Variants in TNRC6C observed in about 807,000 individuals in gnomAD.
TNRC6C encodes trinucleotide repeat containing adaptor 6C.
In TNRC6C, 20 loss-of-function variants were observed where a neutral mutation model predicts 153.7. That is an observed-to-expected ratio of 0.13 (90% CI 0.09 to 0.19). TNRC6C has a LOEUF of 0.19. Among genes scored for constraint, TNRC6C ranks in the 10% least tolerant of loss-of-function variants. The pLI is 1.00. For missense variants in TNRC6C, 1,987 were observed against 2,172.0 expected, an observed-to-expected ratio of 0.91 and a Z score of 1.69; for synonymous variants, 811 against 841.4, an observed-to-expected ratio of 0.96 and a Z score of 0.63.
chr17:78,038,365 C>T (rs2072221964), intron 2 of TNRC6C, among the ~76,000 whole-genome samples: 2 of 152,054 alleles, frequency 1.3e-5, no homozygotes, highest in South Asian at 4.1e-4. Flanking sequence ...CAAATGGGTC[C>T]TAAGTATGTT....
In TNRC6C at chr17:78,075,370, T is replaced by G; in HGVS notation, c.3060+92T>G. On this transcript the variant is annotated intron_variant, in intron 8 of 19. Transcript: ENST00000301624. The surrounding 1 kb of genome is among the most constrained non-coding windows in gnomAD (Gnocchi z 4.2). The stretch of plus-strand genomic sequence containing the variant: ...CCTTAATACAAGCCAGATTAAAAAC[T>G]TGCTGGACTATAATACTTAAGTGAC... 2 of 1,430,846 alleles carry G rather than the reference T, an allele frequency of 1.4e-6. No homozygotes were observed. Among genetic ancestry groups the G allele is most frequent in the Non-Finnish European group, 1.9e-6 (2 of 1,067,390 alleles). The allele number at this position is 1,430,846 out of a possible 1,614,324, so 88.6% of individuals were successfully genotyped here.
chr17:78,009,039 C>T (rs1163051186), intron 1 of TNRC6C, among the ~76,000 whole-genome samples: 1 of 152,126 alleles, frequency 6.6e-6, no homozygotes, highest in Non-Finnish European at 1.5e-5. Flanking sequence ...ATCGTCTTTG[C>T]GTTGGTGACC....
chr17:78,037,846 G>A (rs374830447), intron 2 of TNRC6C, among the ~76,000 whole-genome samples: 187 of 152,270 alleles, frequency 1.2e-3, no homozygotes, highest in African/African-American at 4.0e-3. Flanking sequence ...GCGAATGTAC[G>A]TGAATAGAAG....
At chr17:78,018,615 T>C (rs1353860083) in intron 1 of TNRC6C, among the ~76,000 whole-genome samples, 2 of 152,146 alleles carry the variant, frequency 1.3e-5, no homozygotes, top group African/African-American at 4.8e-5. Flanking sequence ...CGTGCTTTCC[T>C]TTTTTTGCAG....
At chr17:78,095,628 C>T (rs1397027039) in intron 16 of TNRC6C, among the ~76,000 whole-genome samples, 2 of 152,192 alleles carry the variant, frequency 1.3e-5, no homozygotes, top group Non-Finnish European at 2.9e-5. Context: ...GTGACCAGCA[C>T]GAGGAACCTT....
In TNRC6C at chr17:77,963,600, T is replaced by C. The variant is rs189027983; in HGVS notation, c.-38+4332T>C. On this transcript the variant is annotated intron_variant, in intron 1 of 22. Transcript: ENST00000636222. ...CTCCTCTGTAGCCTTCAAAAGACTA[T>C]AGAGCTGTGTGCAGAGCTAGACAAT... Among the ~76,000 whole-genome samples the C allele has an allele frequency of 8.5e-5, 13 of 152,316 alleles. 1 individual carries two copies. Among genetic ancestry groups the C allele is most frequent in the African/African-American group, 3.1e-4 (13 of 41,576 alleles).
exon 17 of TNRC6C, chr17:78,098,461 T>G (rs998989092): frequency 2.5e-6 from 4 of 1,613,794 alleles, no homozygotes; most frequent in African/African-American, 1.3e-5. Context: ...CGAGGCCACC[T>G]CCAGGGTTAA....
chr17:78,089,203 A>C (rs2073352502), intron 13 of TNRC6C, among the ~76,000 whole-genome samples: 1 of 152,080 alleles, frequency 6.6e-6, no homozygotes, highest in African/African-American at 2.4e-5. Context: ...CCTGACCTCA[A>C]GTGATCCGCT....
intron 5 of TNRC6C, among the ~76,000 whole-genome samples, chr17:78,070,587 C>G (rs1431739258): frequency 6.6e-6 from 1 of 152,064 alleles, no homozygotes; most frequent in Non-Finnish European, 1.5e-5. Context: ...TTTCTCTACC[C>G]TATGAGCTAT....
At chr17:78,023,242 AG>A (rs1423811430) in intron 1 of TNRC6C, among the ~76,000 whole-genome samples, 1 of 152,214 alleles carries the variant, frequency 6.6e-6, no homozygotes, top group Non-Finnish European at 1.5e-5. Context: ...TTGGCATCCA[AG>A]GGGGTTTCTG....
intron 3 of TNRC6C, among the ~76,000 whole-genome samples, chr17:78,053,450 T>C (rs2072579311): frequency 6.6e-6 from 1 of 151,642 alleles, no homozygotes; most frequent in Non-Finnish European, 1.5e-5. Context: ...ACCAACAAGG[T>C]GAAACCCCAT....
At chr17:78,021,639 G>A (rs2071834321) in intron 1 of TNRC6C, among the ~76,000 whole-genome samples, 1 of 152,016 alleles carries the variant, frequency 6.6e-6, no homozygotes, top group Non-Finnish European at 1.5e-5. Flanking sequence ...GCGCAGTCTC[G>A]GCTCACTGCA....
At chr17:78,103,606 A>G in intron 19 of TNRC6C, 53 bp downstream of exon 22, 4 of 1,609,768 alleles carry the variant, frequency 2.5e-6, no homozygotes, top group Non-Finnish European at 3.4e-6. Flanking sequence ...CATCCCCCAG[A>G]GCATTAGGTT....
At chr17:77,961,776 G>C (rs2070864959) in intron 1 of TNRC6C, among the ~76,000 whole-genome samples, 1 of 152,126 alleles carries the variant, frequency 6.6e-6, no homozygotes, top group Admixed American at 6.5e-5. Flanking sequence ...GAACTGTTTC[G>C]TTTGACATTC....
intron 3 of TNRC6C, among the ~76,000 whole-genome samples, chr17:78,060,628 A>G (rs577427021): frequency 1.1e-4 from 17 of 152,078 alleles, no homozygotes; most frequent in African/African-American, 4.1e-4. Flanking sequence ...GGTGTGTGCC[A>G]CCATGTTGGC....
At chr17:77,969,832 T>G (rs1364634497) in intron 1 of TNRC6C, among the ~76,000 whole-genome samples, 2 of 152,102 alleles carry the variant, frequency 1.3e-5, no homozygotes, top group African/African-American at 4.8e-5. Context: ...TTAACATTAC[T>G]GAAAAAATTA....
chr17:78,040,335 A>AAAT (rs981949245), intron 2 of TNRC6C, among the ~76,000 whole-genome samples: 8 of 152,304 alleles, frequency 5.3e-5, no homozygotes, highest in African/African-American at 9.6e-5. Context: ...TATCTTTAAA[A>AAAT]AATAATAATA....
At chr17:78,040,455 C>T (rs1269169456) in intron 2 of TNRC6C, among the ~76,000 whole-genome samples, 1 of 152,134 alleles carries the variant, frequency 6.6e-6, no homozygotes, top group Non-Finnish European at 1.5e-5. Context: ...CTACTTAGAT[C>T]TTTTTTAGAT....
At chr17:77,967,534 A>G (rs996647386) in intron 1 of TNRC6C, among the ~76,000 whole-genome samples, 17 of 152,158 alleles carry the variant, frequency 1.1e-4, no homozygotes, top group Non-Finnish European at 2.4e-4. Context: ...GGAATTGGGA[A>G]GCTGACAGGT....
Sources: gnomAD v4.1 joint callset for allele counts (sites outside exome capture counted in the v4.1 genomes callset) on GRCh38, gnomAD v4.1.1 for gene constraint, Gnocchi (gnomAD v3.1) non-coding constraint, MANE v1.5 for transcripts, NCBI Gene and HGNC (gene_info 2026-07-23, HGNC 2026-07-21) for gene names.